TLL1: variants seen among roughly 807,000 people sequenced by gnomAD.
TLL1 encodes the protein tolloid like 1, also known as tolloid-like protein 1.
A neutral mutation model predicts 128.2 loss-of-function variants in TLL1; 49 were observed. The observed-to-expected ratio is 0.38, with a 90% CI of 0.30 to 0.48. The LOEUF (loss-of-function observed/expected upper bound fraction) is 0.48. Among genes scored for constraint, TLL1 ranks in the 20% least tolerant of loss-of-function variants. TLL1 has a pLI of 0.96. For synonymous variants in TLL1, 454 were observed against 418.8 expected (o/e 1.08, Z -1.03); for missense variants, 1,123 against 1,242.0 (o/e 0.90, Z 1.44).
chr4:165,898,288 G>C (rs1731783212), intron 1 of TLL1, among the ~76,000 whole-genome samples: 2 of 152,208 alleles, frequency 1.3e-5, no homozygotes, highest in African/African-American at 2.4e-5. Flanking sequence ...TGGTGAGAGA[G>C]GGCATCCTTG....
At chr4:165,933,261 C>T (rs1342799431) in intron 1 of TLL1, among the ~76,000 whole-genome samples, 2 of 152,140 alleles carry the variant, frequency 1.3e-5, no homozygotes, top group East Asian at 3.9e-4. Flanking sequence ...TATCTGGGTA[C>T]ATAGAGCCCA....
chr4:165,917,171 C>T (rs7659758), intron 1 of TLL1, among the ~76,000 whole-genome samples: 71,541 of 151,726 alleles, frequency 0.47, 17,984 homozygotes, highest in East Asian at 0.94. Flanking sequence ...AGAAAAGGTC[C>T]GTGAACGTTC....
chr4:165,952,769 T>TG (rs758722271), intron 1 of TLL1, among the ~76,000 whole-genome samples: 15 of 152,126 alleles, frequency 9.9e-5, no homozygotes, highest in South Asian at 6.2e-4. Flanking sequence ...TATTGGTGGC[T>TG]GGGGGGGTAA....
intron 5 of TLL1, among the ~76,000 whole-genome samples, chr4:166,000,993 C>T (rs982772837): frequency 7.9e-5 from 12 of 151,158 alleles, no homozygotes; most frequent in South Asian, 4.2e-4. Context: ...AATTATTAGG[C>T]GACTAAAGCC....
intron 1 of TLL1, among the ~76,000 whole-genome samples, chr4:165,917,640 T>C (rs1732846249): frequency 6.6e-6 from 1 of 152,166 alleles, no homozygotes; most frequent in Non-Finnish European, 1.5e-5. Flanking sequence ...TTCTGCATAT[T>C]TACAGGATTT....
intron 1 of TLL1, among the ~76,000 whole-genome samples, chr4:165,973,682 T>G (rs2110982261): frequency 6.6e-6 from 1 of 151,984 alleles, no homozygotes; most frequent in South Asian, 2.1e-4. Flanking sequence ...TTTTCTTTTT[T>G]GAGATGGAGT....
intron 1 of TLL1, among the ~76,000 whole-genome samples, chr4:165,970,741 T>C (rs1266270478): frequency 6.6e-6 from 1 of 152,218 alleles, no homozygotes; most frequent in African/African-American, 2.4e-5. Flanking sequence ...AACAGTCATA[T>C]CTTTGGATAA....
chr4:165,884,548 A>G (rs1731090766), intron 1 of TLL1, among the ~76,000 whole-genome samples: 1 of 152,194 alleles, frequency 6.6e-6, no homozygotes, highest in Admixed American at 6.5e-5. Flanking sequence ...TAAAATTTCA[A>G]CTTGTGGCTG....
At chr4:165,902,761 A>G (rs1732058324) in intron 1 of TLL1, among the ~76,000 whole-genome samples, 2 of 152,188 alleles carry the variant, frequency 1.3e-5, no homozygotes, top group Admixed American at 1.3e-4. Context: ...TCAACAAATG[A>G]GGCTGGAACA....
chr4:166,059,231 G>A (rs573315327), intron 14 of TLL1, among the ~76,000 whole-genome samples: 12 of 151,686 alleles, frequency 7.9e-5, no homozygotes, highest in South Asian at 2.1e-4. Flanking sequence ...ACACATACAC[G>A]TGCACAAAGA....
At chr4:165,925,732 G>A (rs1227076333) in intron 1 of TLL1, among the ~76,000 whole-genome samples, 2 of 152,154 alleles carry the variant, frequency 1.3e-5, no homozygotes, top group Non-Finnish European at 2.9e-5. Flanking sequence ...ATGATACAGA[G>A]AAATTCCTTG....
intron 9 of TLL1, chr4:166,030,352 A>C (rs532112782): frequency 4.9e-6 from 2 of 408,052 alleles, no homozygotes; most frequent in Non-Finnish European, 8.7e-6. Flanking sequence ...TTTAAATCAG[A>C]TTATTTGATT....
intron 1 of TLL1, among the ~76,000 whole-genome samples, chr4:165,876,002 A>G (rs72693799): frequency 0.031 from 4,768 of 152,284 alleles, 117 homozygotes; most frequent in Admixed American, 0.062. Context: ...CAACAATAAA[A>G]CCAACGTTGA....
chr4:166,017,418 C>T (rs753861384), intron 8 of TLL1, among the ~76,000 whole-genome samples: 4 of 151,800 alleles, frequency 2.6e-5, no homozygotes, highest in Admixed American at 2.0e-4. Context: ...TGTGTCTTTT[C>T]GGTGGTACGA....
chr4:165,920,208 G>C (rs1014494089), intron 1 of TLL1, among the ~76,000 whole-genome samples: 4 of 152,172 alleles, frequency 2.6e-5, no homozygotes, highest in African/African-American at 9.7e-5. Flanking sequence ...TGCTTTGCAC[G>C]TTGGCATCAA....
intron 18 of TLL1, among the ~76,000 whole-genome samples, chr4:166,089,437 A>G (rs1277309894): frequency 6.6e-6 from 1 of 152,156 alleles, no homozygotes; most frequent in Non-Finnish European, 1.5e-5. Context: ...TTGGGTAAAT[A>G]CATTGACAGG....
At chr4:165,952,886 G>C (rs1402286474) in intron 1 of TLL1, among the ~76,000 whole-genome samples, 2 of 152,078 alleles carry the variant, frequency 1.3e-5, no homozygotes, top group African/African-American at 4.8e-5. Context: ...GCAAGAATGG[G>C]TTTTAAAAGA....
chr4:166,098,346 A>AAG (rs1036898691), intron 19 of TLL1, among the ~76,000 whole-genome samples: 1 of 151,612 alleles, frequency 6.6e-6, no homozygotes, highest in African/African-American at 2.4e-5. Flanking sequence ...AAAAAAAAAA[A>AAG]AAAAAAAAAG....
At position 165,901,498 on chromosome 4, in the gene TLL1, C is replaced by T. The variant is rs573704497; in HGVS notation, c.169+27425C>T. On this transcript the variant is annotated intron_variant, in intron 1 of 20. Transcript: ENST00000061240. ...GTTAGTTTTCCTTCTAACAGTCAGG[C>T]CCCTCTGCTGGAGGTCTGCTAGATT... Among the ~76,000 whole-genome samples the T allele has an allele frequency of 3.3e-5, 5 of 152,304 alleles. No homozygotes were observed. The South Asian group carries it at 8.3e-4, about 25-fold the overall frequency.
Sources: allele counts gnomAD v4.1 joint callset (sites outside exome capture counted in the v4.1 genomes callset), GRCh38; gene constraint gnomAD v4.1.1; transcripts MANE v1.5; gene names NCBI Gene and HGNC (gene_info 2026-07-23, HGNC 2026-07-21).